The following GUCY1A2 variants were observed in gnomAD, a reference collection of about 807,000 sequenced individuals.
The protein encoded by GUCY1A2 is guanylate cyclase soluble subunit alpha-2.
Under a neutral mutation model 63.5 loss-of-function variants are expected in GUCY1A2, and 27 were observed. That is an observed-to-expected ratio of 0.43 (90% CI 0.31 to 0.59). The LOEUF (loss-of-function observed/expected upper bound fraction) is 0.59. GUCY1A2 is among the 20% of genes least tolerant of loss of function. The probability of loss-of-function intolerance (pLI) is 0.11; values close to 1 mark genes in which losing one functional copy is unlikely to be tolerated. For missense variants in GUCY1A2, 768 were observed against 913.3 expected, an observed-to-expected ratio of 0.84 and a Z score of 2.05; for synonymous variants, 364 against 343.5, an observed-to-expected ratio of 1.06 and a Z score of -0.66.
chr11:106,787,330 C>T (rs1236113857), intron 5 of GUCY1A2, among the ~76,000 whole-genome samples: 1 of 151,142 alleles, frequency 6.6e-6, no homozygotes, highest in Non-Finnish European at 1.5e-5. Context: ...GTCTAGTAAC[C>T]ACCCTTCTGC....
chr11:106,817,820 G>C (rs2135428486), intron 4 of GUCY1A2, among the ~76,000 whole-genome samples: 1 of 152,142 alleles, frequency 6.6e-6, no homozygotes, highest in South Asian at 2.1e-4. Flanking sequence ...CTGTTAGAAT[G>C]GCTATTAAAA....
intron 1 of GUCY1A2, among the ~76,000 whole-genome samples, chr11:106,996,627 AT>A (rs1328770959): frequency 6.6e-6 from 1 of 152,216 alleles, no homozygotes; most frequent in Non-Finnish European, 1.5e-5. Flanking sequence ...AAATAAGTAA[AT>A]CATCATTTAC....
chr11:106,761,810 C>G (rs576469175), intron 6 of GUCY1A2, among the ~76,000 whole-genome samples: 12 of 152,226 alleles, frequency 7.9e-5, no homozygotes, highest in African/African-American at 2.9e-4. Flanking sequence ...CTTCCCTGGA[C>G]AGGCCTTCTT....
rs578021782 is a variant in GUCY1A2 at position 107,014,330 on chromosome 11, G to A, written c.303+3423C>T. 5.3e-5 allele frequency among the ~76,000 whole-genome samples: 8 copies of A among 152,014 alleles called. No homozygotes were observed. In the East Asian group the frequency reaches 1.4e-3, roughly 26 times the overall value. On this transcript the variant is annotated intron_variant, in intron 1 of 7. Coordinates refer to ENST00000526355, the MANE Select transcript of GUCY1A2 (RefSeq NM_000855.3). Reference sequence around the variant, plus strand: ...TCTCAATCTCTTGACCTAGTGATCTGCCTGCCTCGGCCTCCCAAAGTGCTG... The same window carrying A: ...TCTCAATCTCTTGACCTAGTGATCTACCTGCCTCGGCCTCCCAAAGTGCTG...
intron 7 of GUCY1A2, among the ~76,000 whole-genome samples, chr11:106,692,351 G>GT (rs1862640190): frequency 6.6e-6 from 1 of 152,082 alleles, no homozygotes; most frequent in Non-Finnish European, 1.5e-5. Context: ...CTGCTCAACA[G>GT]TTTTTTCTAC....
At chr11:106,728,393 T>A (rs1863444335) in intron 6 of GUCY1A2, among the ~76,000 whole-genome samples, 1 of 152,212 alleles carries the variant, frequency 6.6e-6, no homozygotes, top group South Asian at 2.1e-4. Flanking sequence ...TATATCATAG[T>A]AGACTCTGAC....
chr11:106,896,380 C>A lies in GUCY1A2; in HGVS notation c.1206+43080G>T, dbSNP rs546115450. Among the ~76,000 whole-genome samples the A allele has an allele frequency of 4.6e-5, 7 of 152,258 alleles. No individual in the cohort carries two copies. The South Asian group carries it at 1.0e-3, about 23-fold the overall frequency. Reference sequence around the variant, plus strand: ...ATTATTCTTAATGGTAAAAAACCAGCTTTCCCACTAAGATGAGGAGCAAGG... The same window carrying A: ...ATTATTCTTAATGGTAAAAAACCAGATTTCCCACTAAGATGAGGAGCAAGG... On this transcript the variant is annotated intron_variant, in intron 4 of 7. Transcript: ENST00000526355.
chr11:106,769,878 T>C (rs1864226244), intron 6 of GUCY1A2, among the ~76,000 whole-genome samples: 1 of 152,076 alleles, frequency 6.6e-6, no homozygotes, highest in South Asian at 2.1e-4. Context: ...TTAATCTCAA[T>C]GTGATTAAAA....
chr11:106,838,140 C>G (rs1438297469), intron 4 of GUCY1A2, among the ~76,000 whole-genome samples: 1 of 151,926 alleles, frequency 6.6e-6, no homozygotes, highest in Non-Finnish European at 1.5e-5. Flanking sequence ...CCTACCCTCT[C>G]AAGTAGAAAT....
chr11:106,756,791 A>T (rs1346238972), intron 6 of GUCY1A2, among the ~76,000 whole-genome samples: 2 of 151,746 alleles, frequency 1.3e-5, no homozygotes, highest in African/African-American at 4.8e-5. Flanking sequence ...TTTTTCCTTC[A>T]TTTCAACCAT....
rs1862472194 is a variant in GUCY1A2 at position 106,683,767 on chromosome 11, C to T, written c.*3782G>A. ...TACTTTTTGCCTTAACCATCCACAA[C>T]ACCTGCTCTCAGAAAGTCAGGGACC... On this transcript the variant is annotated 3_prime_UTR_variant, in exon 8 of 8. Transcript: ENST00000526355. The T allele has an allele frequency of 4.6e-6, 1 of 218,826 alleles. No homozygotes were observed. The highest frequency in any genetic ancestry group is 9.2e-6 in the Non-Finnish European group (1 of 108,860). 13.6% of individuals were successfully genotyped at this position (218,826 alleles called of 1,614,324 possible).
chr11:106,973,601 C>T (rs562592077), intron 3 of GUCY1A2, among the ~76,000 whole-genome samples: 1 of 152,000 alleles, frequency 6.6e-6, no homozygotes, highest in South Asian at 2.1e-4. Context: ...GTGTAATTAG[C>T]ATCAGAGGAG....
At chr11:106,998,797 T>TA (rs5794514) in intron 1 of GUCY1A2, among the ~76,000 whole-genome samples, 6,889 of 149,790 alleles carry the variant, frequency 0.046, 454 homozygotes, top group African/African-American at 0.15. Context: ...AATAGTTCAT[T>TA]AAAAAAAAAA....
intron 5 of GUCY1A2, among the ~76,000 whole-genome samples, chr11:106,780,753 A>C (rs963873710): frequency 5.3e-5 from 8 of 152,080 alleles, no homozygotes; most frequent in Admixed American, 3.3e-4. Flanking sequence ...AAATGTCTGG[A>C]AAGTTTAAGT....
intron 4 of GUCY1A2, among the ~76,000 whole-genome samples, chr11:106,897,039 A>G (rs1042497292): frequency 4.6e-5 from 7 of 152,226 alleles, no homozygotes; most frequent in Admixed American, 1.3e-4. Context: ...AAATCCCATT[A>G]CTTTTCTGTA....
chr11:106,750,186 A>G (rs957612382), intron 6 of GUCY1A2, among the ~76,000 whole-genome samples: 3 of 152,134 alleles, frequency 2.0e-5, no homozygotes, highest in African/African-American at 7.2e-5. Context: ...GGAGTCTGGT[A>G]TCTATGGGCA....
At chr11:106,944,214 C>CAAAAA (rs1487076744) in intron 3 of GUCY1A2, among the ~76,000 whole-genome samples, 1 of 13,376 alleles carries the variant, frequency 7.5e-5, no homozygotes, top group African/African-American at 8.2e-4. Context: ...GACCCTGTCT[C>CAAAAA]CAAAAAAAAA....
chr11:106,844,048 G>A (rs1859238502), intron 4 of GUCY1A2, among the ~76,000 whole-genome samples: 1 of 151,796 alleles, frequency 6.6e-6, no homozygotes, highest in Non-Finnish European at 1.5e-5. Flanking sequence ...TGTTTATGAA[G>A]TAAGCATCTT....
intron 3 of GUCY1A2, among the ~76,000 whole-genome samples, chr11:106,972,515 T>C (rs762945358): frequency 3.7e-4 from 57 of 152,026 alleles, no homozygotes; most frequent in Non-Finnish European, 7.1e-4. Context: ...AAGCTGCTAG[T>C]GATAGCGAAA....
Sources: gnomAD v4.1 joint callset for allele counts (sites outside exome capture counted in the v4.1 genomes callset) on GRCh38, gnomAD v4.1.1 for gene constraint, MANE v1.5 for transcripts, NCBI Gene and HGNC (gene_info 2026-07-23, HGNC 2026-07-21) for gene names.